CHCHD6: variants seen among roughly 807,000 people sequenced by gnomAD.
CHCHD6 encodes the protein coiled-coil-helix-coiled-coil-helix domain containing 6.
Under a neutral mutation model 32.3 loss-of-function variants are expected in CHCHD6, and 28 were observed. The ratio of observed to expected loss-of-function variants is 0.87; its 90% confidence interval spans 0.64 to 1.19. The LOEUF is 1.19. Ranked by LOEUF, CHCHD6 falls within the 50% of genes most tolerant of loss-of-function variation. CHCHD6 has a pLI of 0.00. For missense variants in CHCHD6, 333 were observed against 307.0 expected, an observed-to-expected ratio of 1.08 and a Z score of -0.63; for synonymous variants, 122 against 117.5, an observed-to-expected ratio of 1.04 and a Z score of -0.25.
chr3:126,844,295 C>A (rs1941210340), intron 4 of CHCHD6, among the ~76,000 whole-genome samples: 1 of 152,098 alleles, frequency 6.6e-6, no homozygotes, highest in Admixed American at 6.5e-5. Context: ...CTTGTTCTAT[C>A]AATATTTTGA....
chr3:126,898,217 T>C (rs1267738902), intron 5 of CHCHD6, among the ~76,000 whole-genome samples: 4 of 152,252 alleles, frequency 2.6e-5, no homozygotes, highest in Non-Finnish European at 5.9e-5. Context: ...GAGGTCCCCC[T>C]GCTCTTCCCC....
intron 1 of CHCHD6, among the ~76,000 whole-genome samples, chr3:126,713,938 A>G (rs1029515940): frequency 1.3e-5 from 2 of 151,980 alleles, no homozygotes; most frequent in South Asian, 2.1e-4. Flanking sequence ...TTAGCCGGGC[A>G]TGGTGGTGGG....
At chr3:126,863,963 C>T (rs373447067) in intron 5 of CHCHD6, among the ~76,000 whole-genome samples, 219 of 148,632 alleles carry the variant, frequency 1.5e-3, no homozygotes, top group African/African-American at 5.2e-3. Context: ...TCCTCCTCCA[C>T]CATCACCACC....
chr3:126,808,118 G>T (rs1022083446), intron 4 of CHCHD6, among the ~76,000 whole-genome samples: 1 of 152,182 alleles, frequency 6.6e-6, no homozygotes, highest in Non-Finnish European at 1.5e-5. Context: ...ACGATCATCC[G>T]AAGGCTTGTT....
chr3:126,935,608 C>T (rs11715811), intron 6 of CHCHD6, among the ~76,000 whole-genome samples: 1 of 152,186 alleles, frequency 6.6e-6, no homozygotes, highest in Non-Finnish European at 1.5e-5. Context: ...CCGTGTGCGG[C>T]TTAGTCTAAA....
At chr3:126,861,333 C>T (rs1011580563) in intron 5 of CHCHD6, among the ~76,000 whole-genome samples, 6 of 151,932 alleles carry the variant, frequency 3.9e-5, no homozygotes, top group Non-Finnish European at 8.8e-5. Context: ...GTGTACTAAC[C>T]GTTATAACCT....
rs879731003 is a variant in CHCHD6 at position 126,864,977 on chromosome 3, T to C, written c.495+12247T>C. Among the ~76,000 whole-genome samples, 634 of 114,582 alleles carry C rather than the reference T, an allele frequency of 5.5e-3. 6 individuals are homozygous for C. The highest frequency in any genetic ancestry group is 7.8e-3 in the Non-Finnish European group (466 of 59,516). 75.2% of individuals were successfully genotyped at this position (114,582 alleles called of 152,430 possible). A position where few individuals can be genotyped will look rare whatever the true frequency, so the allele number is the denominator to read the frequency against. ...TCCTCCTCCATCACCACCTCCATCA[T>C]CACCACTACCACCATCACCTTTTCT... On this transcript the variant is annotated intron_variant, in intron 5 of 7. Coordinates refer to ENST00000290913, the MANE Select transcript of CHCHD6 (RefSeq NM_032343.3).
At chr3:126,939,631 A>G (rs753609952) in intron 6 of CHCHD6, among the ~76,000 whole-genome samples, 6 of 152,246 alleles carry the variant, frequency 3.9e-5, no homozygotes, top group Non-Finnish European at 5.9e-5. Flanking sequence ...TGTGGAAAAC[A>G]GGAATTTTAT....
intron 1 of CHCHD6, among the ~76,000 whole-genome samples, chr3:126,709,386 C>T (rs1934648421): frequency 6.6e-6 from 1 of 152,134 alleles, no homozygotes; most frequent in Non-Finnish European, 1.5e-5. Flanking sequence ...CAGTTGAGGG[C>T]ATTTGAATTT....
chr3:126,717,702 G>T (rs949122137), intron 1 of CHCHD6, among the ~76,000 whole-genome samples: 3 of 152,188 alleles, frequency 2.0e-5, no homozygotes, highest in Non-Finnish European at 4.4e-5. Flanking sequence ...TCAGATTTTG[G>T]TTTCTTCCTT....
intron 4 of CHCHD6, among the ~76,000 whole-genome samples, chr3:126,801,642 C>A (rs1313464738): frequency 6.6e-6 from 1 of 152,204 alleles, no homozygotes; most frequent in African/African-American, 2.4e-5. Flanking sequence ...AGGGCACAGA[C>A]AAACAAAAAG....
intron 5 of CHCHD6, chr3:126,855,003 G>C (rs1941611864): frequency 6.6e-6 from 1 of 152,202 alleles, no homozygotes; most frequent in Non-Finnish European, 1.5e-5. Flanking sequence ...AGAGACTTAT[G>C]GACCCTTTTG....
chr3:126,889,701 A>G (rs1409511646), intron 5 of CHCHD6, among the ~76,000 whole-genome samples: 1 of 152,208 alleles, frequency 6.6e-6, no homozygotes, highest in Non-Finnish European at 1.5e-5. Flanking sequence ...GCCACTGCAC[A>G]TCTTTCTTTC....
At chr3:126,869,343 C>T (rs770473256) in intron 5 of CHCHD6, among the ~76,000 whole-genome samples, 29 of 98,520 alleles carry the variant, frequency 2.9e-4, no homozygotes, top group Admixed American at 2.8e-3. Context: ...GTTATTTAAT[C>T]ATTTCCTGTG....
intron 7 of CHCHD6, chr3:126,958,071 G>A (rs1050421822): frequency 5.5e-6 from 1 of 182,078 alleles, no homozygotes; most frequent in South Asian, 1.2e-4. Flanking sequence ...CAAGCCTCAT[G>A]TGCTCTCTGG....
At chr3:126,872,101 T>G (rs2077480952) in intron 5 of CHCHD6, among the ~76,000 whole-genome samples, 1 of 152,206 alleles carries the variant, frequency 6.6e-6, no homozygotes, top group Admixed American at 6.5e-5. Context: ...CAAGGGCCAT[T>G]TGGCAACATC....
intron 1 of CHCHD6, among the ~76,000 whole-genome samples, chr3:126,709,280 T>C (rs140821274): frequency 2.1e-4 from 32 of 152,350 alleles, no homozygotes; most frequent in African/African-American, 7.5e-4. Flanking sequence ...TTGATGTTGG[T>C]TCATTGATGT....
At chr3:126,885,136 T>C (rs2107575052) in intron 5 of CHCHD6, among the ~76,000 whole-genome samples, 1 of 152,328 alleles carries the variant, frequency 6.6e-6, no homozygotes, top group Non-Finnish European at 1.5e-5. Context: ...GGTGAATCTT[T>C]ACCTGGAAAG....
chr3:126,857,655 A>G (rs1428808309), intron 5 of CHCHD6, among the ~76,000 whole-genome samples: 2 of 152,170 alleles, frequency 1.3e-5, no homozygotes, highest in Non-Finnish European at 2.9e-5. Flanking sequence ...AATTAAATAT[A>G]GGATTTCCAC....
Sources: gnomAD v4.1 joint callset for allele counts (sites outside exome capture counted in the v4.1 genomes callset) on GRCh38, gnomAD v4.1.1 for gene constraint, MANE v1.5 for transcripts, NCBI Gene and HGNC (gene_info 2026-07-23, HGNC 2026-07-21) for gene names.